Variants in USP15 observed in about 807,000 individuals in gnomAD.
The protein encoded by USP15 is ubiquitin specific peptidase 15.
In USP15, 18 loss-of-function variants were observed where a neutral mutation model predicts 127.1. That is an observed-to-expected ratio of 0.14 (90% CI 0.10 to 0.21). USP15 has a LOEUF of 0.21. USP15 is among the 10% of genes least tolerant of loss of function. The pLI, the probability that USP15 is intolerant of heterozygous loss-of-function variation, is 1.00. For missense variants in USP15, 805 were observed against 1,159.9 expected (o/e 0.69, Z 4.44); for synonymous variants, 364 against 393.7 (o/e 0.92, Z 0.89).
At position 62,391,400 on chromosome 12, in the gene USP15, G is replaced by C; in HGVS notation, c.2204G>C (p.Arg735Thr). ...NYIKDDTRHI[R>T]FDDRQLRLDE... Reference sequence around the variant, plus strand: ...ATCAAAGATGATACCAGGCATATAAGATTTGATGATAGGCAGCTTAGGCTA... The same window carrying C: ...ATCAAAGATGATACCAGGCATATAACATTTGATGATAGGCAGCTTAGGCTA... The change falls in exon 16 of 22, where the codon AGA becomes ACA. Residue 735 changes from arginine (R) to threonine (T), a missense_variant. Around this residue, in one of 11 missense-constraint regions of USP15, gnomAD observed 225 missense variants for 239.5 expected, o/e 0.94. Coordinates refer to ENST00000280377, the MANE Select transcript of USP15 (RefSeq NM_001252078.2). The C allele has an allele frequency of 1.9e-6, 3 of 1,611,526 alleles. No individual in the cohort carries two copies. The highest frequency in any genetic ancestry group is 2.5e-6 in the Non-Finnish European group (3 of 1,179,022).
chr12:62,391,096 TATTAATA>T, intron 15 of USP15, 54 bp from the exon 16 acceptor site: 1 of 1,507,516 alleles, frequency 6.6e-7, no homozygotes, highest in Non-Finnish European at 8.9e-7. Flanking sequence ...GGATTAATAA[TATTAATA>T]ATTTAAAAAT....
intron 2 of USP15, among the ~76,000 whole-genome samples, chr12:62,296,030 C>G (rs1592523418): frequency 6.6e-6 from 1 of 152,190 alleles, no homozygotes; most frequent in Non-Finnish European, 1.5e-5. Context: ...TTCAGAGATG[C>G]ATGAAAGAGG....
intron 1 of USP15, among the ~76,000 whole-genome samples, chr12:62,261,835 T>C (rs1488739289): frequency 6.6e-6 from 1 of 152,242 alleles, no homozygotes; most frequent in Non-Finnish European, 1.5e-5. Context: ...TAGTCTCTTT[T>C]TTCTTTTTTG....
At chr12:62,383,481 T>C (rs2067051208) in intron 9 of USP15, among the ~76,000 whole-genome samples, 1 of 151,910 alleles carries the variant, frequency 6.6e-6, no homozygotes, top group Admixed American at 6.6e-5. Flanking sequence ...TGTTTGTACT[T>C]CATTTAGTGA....
At chr12:62,346,048 C>T (rs776052909) in intron 6 of USP15, among the ~76,000 whole-genome samples, 5 of 152,100 alleles carry the variant, frequency 3.3e-5, no homozygotes, top group African/African-American at 7.2e-5. Context: ...CACACGTAGT[C>T]GTTTCCTAAC....
At chr12:62,383,324 C>T (rs926773358) in intron 9 of USP15, among the ~76,000 whole-genome samples, 9 of 151,872 alleles carry the variant, frequency 5.9e-5, no homozygotes, top group Non-Finnish European at 2.9e-5. Flanking sequence ...TTAAAAACAA[C>T]TTGTTTAATA....
chr12:62,263,623 T>A (rs1431233128), intron 1 of USP15, among the ~76,000 whole-genome samples: 2 of 152,228 alleles, frequency 1.3e-5, no homozygotes, highest in East Asian at 3.8e-4. Flanking sequence ...CTAGACTTTA[T>A]ATTGAGAAGT....
intron 6 of USP15, among the ~76,000 whole-genome samples, chr12:62,327,261 T>C (rs1362221972): frequency 1.3e-5 from 2 of 152,114 alleles, no homozygotes; most frequent in Non-Finnish European, 2.9e-5. Context: ...CACCTAAATA[T>C]GTTAATTACA....
At chr12:62,326,121 A>G (rs2065114201) in intron 6 of USP15, among the ~76,000 whole-genome samples, 188 bp downstream of exon 6, 1 of 152,176 alleles carries the variant, frequency 6.6e-6, no homozygotes, top group Admixed American at 6.5e-5. Flanking sequence ...TTACTATTTT[A>G]AAAGCCTCCA....
At chr12:62,300,217 C>G (rs911187941) in intron 2 of USP15, among the ~76,000 whole-genome samples, 2 of 151,896 alleles carry the variant, frequency 1.3e-5, no homozygotes, top group African/African-American at 4.8e-5. Context: ...TTGCTGAAAC[C>G]AAGGTTGCAA....
At chr12:62,377,188 A>G (rs1289778576) in intron 8 of USP15, among the ~76,000 whole-genome samples, 1 of 152,292 alleles carries the variant, frequency 6.6e-6, no homozygotes, top group East Asian at 1.9e-4. Flanking sequence ...TCCCTCCTTC[A>G]TGTTTCAAAT....
At chr12:62,372,621 T>G (rs1177636820) in intron 8 of USP15, among the ~76,000 whole-genome samples, 1 of 152,156 alleles carries the variant, frequency 6.6e-6, no homozygotes, top group Non-Finnish European at 1.5e-5. Context: ...TCTTAATATT[T>G]ATTTATTCAA....
chr12:62,322,489 A>T (rs1209437456), intron 5 of USP15, among the ~76,000 whole-genome samples: 1 of 146,060 alleles, frequency 6.8e-6, no homozygotes, highest in Non-Finnish European at 1.5e-5. Context: ...ACTGTCAGCA[A>T]GTCCTACTGA....
intron 1 of USP15, among the ~76,000 whole-genome samples, chr12:62,263,099 T>C (rs1293673729): frequency 1.3e-5 from 2 of 152,230 alleles, no homozygotes; most frequent in African/African-American, 2.4e-5. Flanking sequence ...AATTTGATGA[T>C]GAACTTACAG....
intron 1 of USP15, among the ~76,000 whole-genome samples, chr12:62,268,968 A>G (rs1315829037): frequency 1.3e-5 from 2 of 151,828 alleles, no homozygotes; most frequent in Non-Finnish European, 2.9e-5. Flanking sequence ...ATATTTGCCT[A>G]TTCTGGATAT....
intron 1 of USP15, among the ~76,000 whole-genome samples, chr12:62,288,344 CTTTTTT>C (rs34110065): frequency 1.0e-3 from 114 of 114,452 alleles, no homozygotes; most frequent in Admixed American, 1.7e-3. Context: ...TGGCATTTTA[CTTTTTT>C]TTTTTTTTTT....
At chr12:62,390,377 A>T (rs964070900) in intron 14 of USP15, among the ~76,000 whole-genome samples, 1 of 152,160 alleles carries the variant, frequency 6.6e-6, no homozygotes, top group African/African-American at 2.4e-5. Context: ...TTACCAGTTC[A>T]TGATTAATAG....
intron 1 of USP15, among the ~76,000 whole-genome samples, chr12:62,288,716 T>C (rs1327619433): frequency 6.6e-6 from 1 of 152,194 alleles, no homozygotes; most frequent in East Asian, 1.9e-4. Context: ...TCGTATGATA[T>C]TGGTTGTAGT....
intron 2 of USP15, among the ~76,000 whole-genome samples, chr12:62,301,318 A>T (rs933143415): frequency 6.6e-6 from 1 of 152,158 alleles, no homozygotes; most frequent in Non-Finnish European, 1.5e-5. Flanking sequence ...TGTAGAGCCC[A>T]GTCATTCCAC....
Sources: gnomAD v4.1 joint callset for allele counts (sites outside exome capture counted in the v4.1 genomes callset) on GRCh38, gnomAD v4.1.1 for gene constraint, gnomAD v4.1.1 regional missense constraint, MANE v1.5 for transcripts, NCBI Gene and HGNC (gene_info 2026-07-23, HGNC 2026-07-21) for gene names.